Variants in CAMTA1 observed in about 807,000 individuals in gnomAD.
CAMTA1 encodes calmodulin binding transcription activator 1, also known as calmodulin-binding transcription activator 1.
A neutral mutation model predicts 170.9 loss-of-function variants in CAMTA1; 27 were observed. The ratio of observed to expected loss-of-function variants is 0.16; its 90% CI spans 0.12 to 0.22. The LOEUF is 0.22. Among genes scored for constraint, CAMTA1 ranks in the 10% least tolerant of loss-of-function variants. The probability of loss-of-function intolerance (pLI) is 1.00; values close to 1 mark genes in which losing one functional copy is unlikely to be tolerated. For synonymous variants in CAMTA1, 833 were observed against 891.5 expected (o/e 0.93, Z 1.17); for missense variants, 1,619 against 2,217.2 (o/e 0.73, Z 5.42).
At chr1:7,319,774 A>G (rs574656713) in intron 5 of CAMTA1, among the ~76,000 whole-genome samples, 1 of 152,306 alleles carries the variant, frequency 6.6e-6, no homozygotes, top group African/African-American at 2.4e-5. Flanking sequence ...CTTGCTCTCA[A>G]TGAGCTTAAA....
chr1:7,622,195 A>C (rs190365060), intron 6 of CAMTA1, among the ~76,000 whole-genome samples: 47 of 152,336 alleles, frequency 3.1e-4, no homozygotes, highest in Middle Eastern at 3.4e-3. Context: ...GCCCTCCATT[A>C]CACTTCCCTT....
chr1:7,741,648 A>G (rs2096817642), intron 16 of CAMTA1, among the ~76,000 whole-genome samples: 1 of 152,044 alleles, frequency 6.6e-6, no homozygotes, highest in Non-Finnish European at 1.5e-5. Flanking sequence ...TATTCTTAGC[A>G]TTTTGGGAGG....
chr1:7,377,157 C>A (rs920919875), intron 5 of CAMTA1, among the ~76,000 whole-genome samples: 3 of 152,198 alleles, frequency 2.0e-5, no homozygotes, highest in Non-Finnish European at 2.9e-5. Context: ...CACCTCTCTA[C>A]CCCAGGAGAG....
At chr1:7,437,738 C>CT in intron 5 of CAMTA1, among the ~76,000 whole-genome samples, 1 of 152,192 alleles carries the variant, frequency 6.6e-6, no homozygotes, top group Non-Finnish European at 1.5e-5. Context: ...GTTGGAGGGC[C>CT]TGACACAGGG....
At chr1:7,340,716 GCATCCATCCATCCATCCATCCATCCATC>G (rs60556819) in intron 5 of CAMTA1, among the ~76,000 whole-genome samples, 9 of 146,682 alleles carry the variant, frequency 6.1e-5, no homozygotes, top group African/African-American at 7.6e-5. Flanking sequence ...TTCCACCTGT[GCATCCATCCATCCATCCATCCATCCATC>G]CATCCATCCA....
At chr1:6,928,407 T>A (rs1235308944) in intron 3 of CAMTA1, among the ~76,000 whole-genome samples, 2 of 152,210 alleles carry the variant, frequency 1.3e-5, no homozygotes, top group African/African-American at 4.8e-5. Flanking sequence ...AGTGCCTTTG[T>A]GTTCAGCAGG....
intron 4 of CAMTA1, among the ~76,000 whole-genome samples, chr1:7,179,520 G>A (rs1651660709): frequency 6.6e-6 from 1 of 152,142 alleles, no homozygotes; most frequent in Non-Finnish European, 1.5e-5. Flanking sequence ...GAAAATTTCA[G>A]TAAGTTCTAT....
intron 6 of CAMTA1, among the ~76,000 whole-genome samples, chr1:7,475,814 C>A (rs2093411872): frequency 1.3e-5 from 2 of 152,214 alleles, no homozygotes. Flanking sequence ...GAATAAGGGG[C>A]TCCAAAAGAC....
intron 6 of CAMTA1, among the ~76,000 whole-genome samples, chr1:7,632,301 GC>G (rs1051525151): frequency 1.2e-4 from 19 of 152,306 alleles, no homozygotes; most frequent in African/African-American, 4.6e-4. Flanking sequence ...AGGCAGGCCC[GC>G]CCCCCGCGCC....
At chr1:6,813,460 A>G (rs1645417953) in intron 1 of CAMTA1, among the ~76,000 whole-genome samples, 1 of 149,426 alleles carries the variant, frequency 6.7e-6, no homozygotes, top group Non-Finnish European at 1.5e-5. Flanking sequence ...ACTGTTGAGT[A>G]TTCCCCCTAC....
In CAMTA1 at chr1:7,234,374, A is replaced by T. The variant is rs1211379358; in HGVS notation, c.303-15117A>T. Among the ~76,000 whole-genome samples, 2 of 151,972 alleles carry T rather than the reference A, an allele frequency of 1.3e-5. No homozygotes were observed. Among genetic ancestry groups the T allele is most frequent in the Non-Finnish European group, 2.9e-5 (2 of 67,998 alleles). ...TTGCCACCCACTCACAGCTGTTCTC[A>T]AACCCACTCATTCGCTATCTCTGGT... is the stretch of plus-strand genomic sequence containing the variant. On this transcript the variant is annotated intron_variant, in intron 4 of 22. Transcript: ENST00000303635. The surrounding 1 kb of genome is among the most constrained non-coding windows in gnomAD (Gnocchi z 5.0).
At chr1:6,893,785 G>A (rs1473852848) in intron 3 of CAMTA1, among the ~76,000 whole-genome samples, 1 of 152,104 alleles carries the variant, frequency 6.6e-6, no homozygotes, top group Non-Finnish European at 1.5e-5. Context: ...CGAGGGAAGG[G>A]GGTTTGTGCT....
chr1:7,449,371 A>G lies in CAMTA1; in HGVS notation c.439-18459A>G, dbSNP rs192668258. On this transcript the variant is annotated intron_variant, in intron 5 of 22. Transcript: ENST00000303635. ...AGTCTAAGACCACCGGGCCAGGCAG[A>G]GCAGCTCCCACCAGGGTAGGCAAGG... is the stretch of plus-strand genomic sequence containing the variant. Among the ~76,000 whole-genome samples the G allele has an allele frequency of 2.0e-5, 3 of 152,308 alleles. No homozygotes were observed. The East Asian group carries it at 5.8e-4, about 29-fold the overall frequency.
intron 2 of CAMTA1, among the ~76,000 whole-genome samples, chr1:6,822,826 A>AC (rs112928536): frequency 1.7e-4 from 26 of 150,836 alleles, no homozygotes; most frequent in East Asian, 1.2e-3. Context: ...ACACACACAC[A>AC]AACACACACA....
intron 12 of CAMTA1, among the ~76,000 whole-genome samples, chr1:7,734,435 A>G (rs2096756214): frequency 6.6e-6 from 1 of 152,182 alleles, no homozygotes; most frequent in Admixed American, 6.5e-5. Context: ...CTAGAATCTC[A>G]TCCCATGTTA....
chr1:6,938,010 T>C (rs947838313), intron 3 of CAMTA1, among the ~76,000 whole-genome samples: 5 of 152,252 alleles, frequency 3.3e-5, no homozygotes, highest in African/African-American at 4.8e-5. Flanking sequence ...GGGGCAGATA[T>C]TCTGCCTGTT....
intron 6 of CAMTA1, among the ~76,000 whole-genome samples, chr1:7,531,998 C>G (rs917318395): frequency 6.6e-6 from 1 of 152,070 alleles, no homozygotes; most frequent in Non-Finnish European, 1.5e-5. Flanking sequence ...AGGCTTCACA[C>G]CATGCTAGTC....
Position 7,561,489 on chromosome 1 carries a change from C to T in CAMTA1, c.511-78911C>T, listed in dbSNP as rs2094956417. ...ACACCCCAGCGGCACCAGCACACTCCTCATCCTCTAGGATGAGCCCAAGCA... is the reference window on the plus strand; with the variant it reads ...ACACCCCAGCGGCACCAGCACACTCTTCATCCTCTAGGATGAGCCCAAGCA... On this transcript the variant is annotated intron_variant, in intron 6 of 22. Coordinates refer to ENST00000303635, the MANE Select transcript of CAMTA1 (RefSeq NM_015215.4). This position sits in a 1 kb window ranked among gnomAD's most constrained non-coding sequence, Gnocchi z 5.3. Among the ~76,000 whole-genome samples the T allele has an allele frequency of 1.3e-5, 2 of 151,998 alleles. No homozygotes were observed. The highest frequency in any genetic ancestry group is 6.5e-5 in the Admixed American group (1 of 15,276).
chr1:7,335,253 T>C (rs1386288738), intron 5 of CAMTA1, among the ~76,000 whole-genome samples: 1 of 143,948 alleles, frequency 6.9e-6, no homozygotes, highest in African/African-American at 2.5e-5. Context: ...TGAGTTAGAC[T>C]TTCAGGGTAA....
Sources: gnomAD v4.1 joint callset for allele counts (sites outside exome capture counted in the v4.1 genomes callset) on GRCh38, gnomAD v4.1.1 for gene constraint, Gnocchi (gnomAD v3.1) non-coding constraint, MANE v1.5 for transcripts, NCBI Gene and HGNC (gene_info 2026-07-23, HGNC 2026-07-21) for gene names.